Variants in DCAF1 observed in about 807,000 individuals in gnomAD.
DCAF1 encodes the protein DDB1 and CUL4 associated factor 1, also known as DDB1- and CUL4-associated factor 1.
DCAF1 carries 15 observed loss-of-function variants against 128.0 expected under a neutral mutation model. The ratio of observed to expected loss-of-function variants is 0.12; its 90% CI spans 0.08 to 0.18. The LOEUF (loss-of-function observed/expected upper bound fraction) is 0.18, where lower values mean the gene tolerates loss of function less well. Ranked by LOEUF, DCAF1 falls within the 10% of genes least tolerant of loss-of-function variation. The pLI is 1.00. For synonymous variants in DCAF1, 610 were observed against 603.0 expected (o/e 1.01, Z -0.17); for missense variants, 988 against 1,649.5 (o/e 0.60, Z 6.95).
chr3:51,496,384 G>A (rs80321259), intron 2 of DCAF1, among the ~76,000 whole-genome samples: 2,849 of 152,050 alleles, frequency 0.019, 101 homozygotes, highest in African/African-American at 0.065. Context: ...CCGAGATCGC[G>A]CCACTGCACT....
chr3:51,437,143 A>C (rs1475690850), intron 9 of DCAF1, among the ~76,000 whole-genome samples: 2 of 151,958 alleles, frequency 1.3e-5, no homozygotes, highest in African/African-American at 4.8e-5. Context: ...CATGCCTGTA[A>C]TCTCAGCTAC....
At chr3:51,465,463 G>A (rs1704033980) in intron 5 of DCAF1, among the ~76,000 whole-genome samples, 2 of 152,182 alleles carry the variant, frequency 1.3e-5, no homozygotes, top group Non-Finnish European at 2.9e-5. Flanking sequence ...GCTAATACTG[G>A]CTGGGTGCAG....
chr3:51,459,756 T>C (rs1356105802), intron 6 of DCAF1, among the ~76,000 whole-genome samples: 7 of 152,124 alleles, frequency 4.6e-5, no homozygotes, highest in African/African-American at 1.4e-4. Context: ...GTTCAACATA[T>C]GCAAATCAAT....
At chr3:51,490,467 T>C (rs1282974319) in intron 2 of DCAF1, among the ~76,000 whole-genome samples, 3 of 152,178 alleles carry the variant, frequency 2.0e-5, no homozygotes, top group African/African-American at 7.2e-5. Context: ...AAGACTTGTA[T>C]GCTGAAAACT....
intron 6 of DCAF1, among the ~76,000 whole-genome samples, 168 bp from the exon 7 acceptor site, chr3:51,444,071 CT>C (rs1553639656): frequency 6.6e-6 from 1 of 152,154 alleles, no homozygotes; most frequent in South Asian, 2.1e-4. Flanking sequence ...TATAAAGTAT[CT>C]GTGCAATAGA....
Position 51,471,869 on chromosome 3 carries a change from CA to C in DCAF1, c.111-865del, listed in dbSNP as rs377297382. On this transcript the variant is annotated intron_variant, in intron 3 of 24. Transcript: ENST00000684031. ...GGGCAACAAGAGTGAAACTCTGTCT[CA>C]AAAAAAAAAACCTTCCTTTTCTCCT... 9.7e-5 allele frequency among the ~76,000 whole-genome samples: 14 copies of C among 143,852 alleles called. 1 individual carries two copies. Among genetic ancestry groups the C allele is most frequent in the South Asian group, 4.4e-4 (2 of 4,554 alleles). The allele number at this position is 143,852 out of a possible 152,430, so 94.4% of individuals were successfully genotyped here.
chr3:51,476,795 A>C (rs1705512075), intron 3 of DCAF1, among the ~76,000 whole-genome samples: 1 of 152,068 alleles, frequency 6.6e-6, no homozygotes, highest in South Asian at 2.1e-4. Context: ...GAATAGCGTG[A>C]ACCCGGGAGG....
intron 2 of DCAF1, among the ~76,000 whole-genome samples, chr3:51,490,507 G>A (rs1407191825): frequency 6.6e-6 from 1 of 152,156 alleles, no homozygotes; most frequent in East Asian, 1.9e-4. Flanking sequence ...AATTCATGAT[G>A]ACCTAAATTT....
At chr3:51,418,341 T>C (rs1040619839) in intron 16 of DCAF1, 143 bp from the exon 17 acceptor site, 23 of 1,434,638 alleles carry the variant, frequency 1.6e-5, no homozygotes, top group South Asian at 4.4e-5. Context: ...AACCAAGAAA[T>C]GGTCAGAAGC....
At chr3:51,487,627 G>A (rs1216920714) in intron 2 of DCAF1, among the ~76,000 whole-genome samples, 3 of 151,996 alleles carry the variant, frequency 2.0e-5, no homozygotes, top group Non-Finnish European at 4.4e-5. Context: ...CAGGCTGGTA[G>A]AATGTGGCAA....
chr3:51,441,927 G>A (rs1553638941), intron 7 of DCAF1, 30 bp from the exon 8 acceptor site: 1 of 1,553,280 alleles, frequency 6.4e-7, no homozygotes, highest in Non-Finnish European at 8.6e-7. Context: ...GAAAAAGGGG[G>A]TGCCTCTTTA....
chr3:51,440,247 T>C (rs1041739628), intron 9 of DCAF1: 1 of 441,868 alleles, frequency 2.3e-6, no homozygotes, highest in Non-Finnish European at 4.4e-6. Context: ...CATCTGGCTA[T>C]AGAAATAACT....
At chr3:51,396,385 C>CCTT (rs1156927051), downstream of DCAF1, 1 of 167,756 alleles carries the variant, frequency 6.0e-6, no homozygotes, top group African/African-American at 2.4e-5. Flanking sequence ...CCACTTCCTT[C>CCTT]CTTTGGCTCT....
At chr3:51,443,985 G>T in intron 6 of DCAF1, 82 bp from the exon 7 acceptor site, 1 of 1,367,730 alleles carries the variant, frequency 7.3e-7, no homozygotes, top group Non-Finnish European at 9.8e-7. Context: ...TCAGTCTCAT[G>T]AAAAAAATTT....
upstream of DCAF1, among the ~76,000 whole-genome samples, chr3:51,502,847 A>C (rs1460955614): frequency 7.2e-5 from 11 of 152,078 alleles, no homozygotes; most frequent in Admixed American, 2.6e-4. Context: ...TTCTGGGAAA[A>C]AGAAGAGGGA....
At chr3:51,499,566 C>A (rs965350617) in intron 1 of DCAF1, among the ~76,000 whole-genome samples, 1 of 151,902 alleles carries the variant, frequency 6.6e-6, no homozygotes, top group Admixed American at 6.6e-5. Flanking sequence ...CGCCCCTCCT[C>A]CAGGTAGGGG....
rs71633071 is a variant in DCAF1 at position 51,437,266 on chromosome 3, CAAAAAAAAAAAA to C, written c.1128+3692_1128+3703del. 3.5e-4 allele frequency: 90 copies of C among 256,600 alleles called. 1 individual carries two copies. The highest frequency in any genetic ancestry group is 3.1e-3 in the African/African-American group (64 of 20,932). 15.9% of individuals were successfully genotyped at this position (256,600 alleles called of 1,614,324 possible). A position where few individuals can be genotyped will look rare whatever the true frequency, so the allele number is the denominator to read the frequency against. ...CCAGGTGACAGATAAGACTCCATGT[CAAAAAAAAAAAA>C]AAAAAAAAAAAAGAAAGAAAGAGCA... On this transcript the variant is annotated intron_variant, in intron 9 of 24. Coordinates refer to ENST00000684031, the MANE Select transcript of DCAF1 (RefSeq NM_001387579.1).
chr3:51,427,663 C>A, intron 12 of DCAF1, 122 bp from the exon 13 acceptor site: 1 of 427,918 alleles, frequency 2.3e-6, no homozygotes, highest in Non-Finnish European at 4.2e-6. Flanking sequence ...GACAGGGTCT[C>A]ACTTTGCTGC....
chr3:51,422,476 A>G (rs1553632837), intron 13 of DCAF1, 45 bp from the exon 14 acceptor site: 2 of 716,144 alleles, frequency 2.8e-6, no homozygotes, highest in South Asian at 3.0e-5. Context: ...GTATAGCCAC[A>G]AGAATCAAGA....
Sources: gnomAD v4.1 joint callset for allele counts (sites outside exome capture counted in the v4.1 genomes callset) on GRCh38, gnomAD v4.1.1 for gene constraint, MANE v1.5 for transcripts, NCBI Gene and HGNC (gene_info 2026-07-23, HGNC 2026-07-21) for gene names.